Variants in MYO7A observed in about 807,000 individuals in gnomAD.
MYO7A encodes the protein myosin VIIA.
A neutral mutation model predicts 263.8 loss-of-function variants in MYO7A; 210 were observed. The observed-to-expected ratio is 0.80, with a 90% CI of 0.71 to 0.89. The LOEUF is 0.89. Among genes scored for constraint, MYO7A ranks in the 40% least tolerant of loss-of-function variants. The pLI is 0.00. For synonymous variants in MYO7A, 1,239 were observed against 1,197.3 expected (o/e 1.03, Z -0.72); for missense variants, 2,820 against 2,968.3 (o/e 0.95, Z 1.16).
chr11:77,164,790 A>G (rs1007570617), intron 14 of MYO7A, among the ~76,000 whole-genome samples: 2 of 152,240 alleles, frequency 1.3e-5, no homozygotes, highest in South Asian at 2.1e-4. Flanking sequence ...TTGTAAAACT[A>G]TAGAACGCCA....
chr11:77,203,077 C>T lies in MYO7A; in HGVS notation c.5186C>T (p.Thr1729Met), dbSNP rs1367144630. 28 of 1,548,030 alleles carry T rather than the reference C, an allele frequency of 1.8e-5. No homozygotes were observed. The East Asian group carries it at 3.4e-4, about 19-fold the overall frequency. ...TGCGGCAGGCCCCCACCCAAGCACA[C>T]GCTGAGCCGTGTCATGGTGTCCAAG... The part of the protein sequence containing the change: ...YDYFRPPPKH[T>M]LSRVMVSKAR... The change falls in exon 38 of 49, where the codon ACG becomes ATG. Residue 1729 changes from threonine to methionine, a missense_variant. Physicochemically the swap from Thr to Met is moderately conservative, Grantham distance 81. Transcript: ENST00000409709.
Position 77,212,964 on chromosome 11 carries a change from C to A in MYO7A, c.6367C>A (p.Pro2123Thr). The A allele has an allele frequency of 6.3e-7, 1 of 1,594,668 alleles. No homozygotes were observed. The change falls in exon 47 of 49, where the codon CCA (proline) becomes ACA (threonine). Residue 2123 changes from proline (P) to threonine (T), a missense_variant. Coordinates refer to ENST00000409709, the MANE Select transcript of MYO7A (RefSeq NM_000260.4). ...TCTTTTTTTCTAGCAAACTACGGAG[C>A]CAAACTTCCCTGAGATCCTCCTAAT... ...AFFEVKQTTE[P>T]NFPEILLIAI...
chr11:77,202,844 T>G (rs1185955005), intron 37 of MYO7A, among the ~76,000 whole-genome samples: 2 of 151,888 alleles, frequency 1.3e-5, no homozygotes, highest in Non-Finnish European at 2.9e-5. Context: ...GCCCGTGGTG[T>G]TCTCGCCGCT....
rs1954222668 is a variant in MYO7A, at chr11:77,172,731, GCCGT to G, written c.1798-10_1798-7del. ...GGCAGGCACAGCCCCTCCCATCGCT[GCCGT>G]CCGTCCCCCCAGGGCGCCGAGACCA... On this transcript the variant is annotated splice_polypyrimidine_tract_variant and intron_variant, in intron 15 of 48. Coordinates refer to ENST00000409709, the MANE Select transcript of MYO7A (RefSeq NM_000260.4). 3.2e-6 allele frequency: 5 copies of G among 1,550,114 alleles called. No individual in the cohort carries two copies. Among genetic ancestry groups the G allele is most frequent in the African/African-American group, 2.7e-5 (2 of 73,092 alleles).
chr11:77,145,273 G>A (rs1555053058), intron 3 of MYO7A, among the ~76,000 whole-genome samples: 1 of 152,228 alleles, frequency 6.6e-6, no homozygotes, highest in African/African-American at 2.4e-5. Flanking sequence ...CCTGGCAGGA[G>A]AAAGCTGTCA....
intron 17 of MYO7A, 128 bp from the exon 18 acceptor site, chr11:77,175,244 G>C: frequency 1.2e-6 from 1 of 841,194 alleles, no homozygotes; most frequent in Non-Finnish European, 1.9e-6. Flanking sequence ...GCAGGACCCA[G>C]CTGAGGTCAC....
In MYO7A at chr11:77,212,013, C is replaced by G. The variant is rs776186152; in HGVS notation, c.6354+76C>G. ...AAAGCACAGAGACTCCTCCCTAGGA[C>G]TGTGGGAAAGAGCCATGGCCTTGGA... On this transcript the variant is annotated intron_variant, in intron 46 of 48. Transcript: ENST00000409709. 3 of 1,256,040 alleles carry G rather than the reference C, an allele frequency of 2.4e-6. No homozygotes were observed. In the African/African-American group the frequency reaches 4.5e-5, roughly 19 times the overall value. The allele number at this position is 1,256,040 out of a possible 1,614,324, so 77.8% of individuals were successfully genotyped here.
intron 44 of MYO7A, chr11:77,210,815 T>C (rs1382275084): frequency 2.9e-5 from 6 of 209,160 alleles, no homozygotes; most frequent in Non-Finnish European, 1.9e-5. Context: ...AGGTGAGGGG[T>C]ATGGAACAGT....
At chr11:77,173,455 A>C (rs1954321356) in intron 16 of MYO7A, among the ~76,000 whole-genome samples, 1 of 152,246 alleles carries the variant, frequency 6.6e-6, no homozygotes, top group African/African-American at 2.4e-5. Context: ...CTGGATGGTC[A>C]GTCCACAGCC....
chr11:77,140,960 T>G (rs1197920845), intron 2 of MYO7A, among the ~76,000 whole-genome samples: 1 of 152,190 alleles, frequency 6.6e-6, no homozygotes, highest in Non-Finnish European at 1.5e-5. Flanking sequence ...AGTGGTCCCA[T>G]AAGACTATAA....
intron 16 of MYO7A, among the ~76,000 whole-genome samples, chr11:77,174,013 C>A (rs1258542307): frequency 6.6e-6 from 1 of 152,026 alleles, no homozygotes; most frequent in Non-Finnish European, 1.5e-5. Flanking sequence ...CTCCTGCCTC[C>A]CTTGCCTCCT....
At chr11:77,182,951 G>A in intron 25 of MYO7A, 117 bp from the exon 26 acceptor site, 1 of 896,260 alleles carries the variant, frequency 1.1e-6, no homozygotes, top group Admixed American at 2.0e-5. Context: ...GCAGTGTGGG[G>A]GACACCCTGT....
chr11:77,149,025 C>T (rs1555055729), intron 4 of MYO7A, among the ~76,000 whole-genome samples: 1 of 152,174 alleles, frequency 6.6e-6, no homozygotes. Context: ...TCTTGGACCC[C>T]CTAGGGGTCT....
intron 2 of MYO7A, among the ~76,000 whole-genome samples, chr11:77,137,934 GA>G (rs1254686721): frequency 6.6e-6 from 1 of 152,170 alleles, no homozygotes; most frequent in Non-Finnish European, 1.5e-5. Flanking sequence ...AAAACCCCGG[GA>G]GTTTACCGCG....
intron 15 of MYO7A, 57 bp from the exon 16 acceptor site, chr11:77,172,691 T>C: frequency 6.5e-7 from 1 of 1,544,108 alleles, no homozygotes; most frequent in Admixed American, 2.0e-5. Flanking sequence ...GGGCGGCTCC[T>C]GGGACACTGG....
intron 27 of MYO7A, among the ~76,000 whole-genome samples, chr11:77,185,958 T>G (rs955047313): frequency 3.7e-4 from 55 of 150,216 alleles, no homozygotes; most frequent in Non-Finnish European, 7.5e-4. Context: ...AGTCTCACTC[T>G]GTTGCCCAGG....
At chr11:77,200,593 T>C (rs1300261819) in intron 35 of MYO7A, among the ~76,000 whole-genome samples, 1 of 152,160 alleles carries the variant, frequency 6.6e-6, no homozygotes, top group Non-Finnish European at 1.5e-5. Context: ...GGGACAAATA[T>C]CTAAACCATA....
intron 4 of MYO7A, among the ~76,000 whole-genome samples, chr11:77,149,357 G>A (rs1219117516): frequency 2.0e-5 from 3 of 152,326 alleles, no homozygotes; most frequent in East Asian, 1.9e-4. Context: ...GCTCAGAGGG[G>A]TGGTATTTGG....
At chr11:77,198,359 G>A in intron 33 of MYO7A, 136 bp from the exon 34 acceptor site, 3 of 1,209,322 alleles carry the variant, frequency 2.5e-6, no homozygotes, top group Non-Finnish European at 3.4e-6. Context: ...TAGCGAGTTT[G>A]TGCTCTCTGA....
Sources: allele counts gnomAD v4.1 joint callset (sites outside exome capture counted in the v4.1 genomes callset), GRCh38; gene constraint gnomAD v4.1.1; transcripts MANE v1.5; gene names NCBI Gene and HGNC (gene_info 2026-07-23, HGNC 2026-07-21).